The following KHDRBS3 variants were observed in gnomAD, a reference collection of about 807,000 sequenced individuals.
KHDRBS3 encodes KH domain-containing, RNA-binding, signal transduction-associated protein 3.
A neutral mutation model predicts 45.6 loss-of-function variants in KHDRBS3; 23 were observed. The ratio of observed to expected loss-of-function variants is 0.50; its 90% confidence interval spans 0.36 to 0.72. The LOEUF is 0.72. Among genes scored for constraint, KHDRBS3 ranks in the 30% least tolerant of loss-of-function variants. KHDRBS3 has a pLI of 0.00. For synonymous variants in KHDRBS3, 162 were observed against 156.5 expected (o/e 1.04, Z -0.26); for missense variants, 352 against 424.8 (o/e 0.83, Z 1.51).
At chr8:135,652,117 T>C (rs1364570119), downstream of KHDRBS3, among the ~76,000 whole-genome samples, 3 of 152,246 alleles carry the variant, frequency 2.0e-5, no homozygotes, top group East Asian at 1.9e-4. Flanking sequence ...TATATTGATA[T>C]TCAGTGTTTT....
intron 7 of KHDRBS3, among the ~76,000 whole-genome samples, chr8:135,623,488 G>A (rs1324929650): frequency 6.6e-6 from 1 of 151,906 alleles, no homozygotes; most frequent in African/African-American, 2.4e-5. Flanking sequence ...TTATGAAGTT[G>A]CAGAGTACTA....
At chr8:135,591,623 A>T (rs1451220378) in intron 6 of KHDRBS3, among the ~76,000 whole-genome samples, 1 of 152,204 alleles carries the variant, frequency 6.6e-6, no homozygotes, top group African/African-American at 2.4e-5. Context: ...TCTCTTTGTG[A>T]TAAGAATAAA....
At chr8:135,598,501 G>C (rs937219230) in intron 6 of KHDRBS3, among the ~76,000 whole-genome samples, 1 of 152,146 alleles carries the variant, frequency 6.6e-6, no homozygotes, top group South Asian at 2.1e-4. Flanking sequence ...ACTGATGCAA[G>C]GAAGTTGTAT....
At chr8:135,611,369 G>C (rs867634103) in intron 7 of KHDRBS3, among the ~76,000 whole-genome samples, 9 of 152,084 alleles carry the variant, frequency 5.9e-5, no homozygotes, top group African/African-American at 2.2e-4. Flanking sequence ...AGGTCTGACT[G>C]TAACTATATA....
At position 135,457,891 on chromosome 8, in the gene KHDRBS3, C is replaced by T. The variant is rs988235722; in HGVS notation, c.25C>T (p.Leu9=). Residue 9 remains leucine (L), a synonymous_variant, in exon 1 of 9, where the codon CTG becomes TTG. Transcript: ENST00000355849. This position sits in a 1 kb window ranked among gnomAD's most constrained non-coding sequence, Gnocchi z 4.4. MEEKYLPE[L]MAEKDSLDPS... Reference sequence around the variant, plus strand: ...CATGGAGGAGAAGTACCTGCCCGAGCTGATGGCGGAGAAGGACTCCCTGGA... The same window carrying T: ...CATGGAGGAGAAGTACCTGCCCGAGTTGATGGCGGAGAAGGACTCCCTGGA... 1.9e-6 allele frequency: 3 copies of T among 1,599,158 alleles called. No homozygotes were observed. Among genetic ancestry groups the T allele is most frequent in the East Asian group, 4.6e-5 (2 of 43,572 alleles).
chr8:135,544,413 A>G (rs1826189375), intron 3 of KHDRBS3, among the ~76,000 whole-genome samples: 1 of 152,186 alleles, frequency 6.6e-6, no homozygotes, highest in African/African-American at 2.4e-5. Context: ...GGGATCCTAA[A>G]TATTATCAGC....
At chr8:135,635,885 A>G (rs1184993560) in intron 7 of KHDRBS3, among the ~76,000 whole-genome samples, 2 of 152,236 alleles carry the variant, frequency 1.3e-5, no homozygotes, top group Non-Finnish European at 1.5e-5. Flanking sequence ...TCATTATGCA[A>G]TATCAAAAAA....
chr8:135,542,083 C>T (rs1451457048), intron 2 of KHDRBS3: 3 of 152,202 alleles, frequency 2.0e-5, no homozygotes, highest in Non-Finnish European at 4.4e-5. Context: ...GAACCACAGA[C>T]ATCTAAGTTT....
intron 5 of KHDRBS3, among the ~76,000 whole-genome samples, chr8:135,570,802 T>G (rs556320827): frequency 6.6e-6 from 1 of 152,166 alleles, no homozygotes; most frequent in East Asian, 1.9e-4. Flanking sequence ...AATGAGTTTC[T>G]GTGCTTTTTC....
At chr8:135,555,768 C>T (rs1310006857) in intron 4 of KHDRBS3, among the ~76,000 whole-genome samples, 1 of 152,192 alleles carries the variant, frequency 6.6e-6, no homozygotes, top group East Asian at 1.9e-4. Flanking sequence ...ACTTTAAGTT[C>T]TGGGTTACAT....
chr8:135,519,293 A>G (rs933948763), intron 1 of KHDRBS3, among the ~76,000 whole-genome samples: 1 of 152,166 alleles, frequency 6.6e-6, no homozygotes, highest in African/African-American at 2.4e-5. Context: ...CAGTGATTCA[A>G]TTCTGAAGCT....
rs370743782 is a variant in KHDRBS3 at position 135,502,574 on chromosome 8, C to G, written c.89-18663C>G. Among the ~76,000 whole-genome samples, 62 of 152,008 alleles carry G rather than the reference C, an allele frequency of 4.1e-4. No individual in the cohort carries two copies. In the East Asian group the frequency reaches 0.011, roughly 26 times the overall value. On this transcript the variant is annotated intron_variant, in intron 1 of 8. Transcript: ENST00000355849. ...ATTTATACTTTACATTGTGAGTATCCACATGTAGTCTTTATTAAATCTTAT... is the reference window on the plus strand; with the variant it reads ...ATTTATACTTTACATTGTGAGTATCGACATGTAGTCTTTATTAAATCTTAT...
rs535834377 is a variant in KHDRBS3, at chr8:135,616,273, C to G, written c.890+9236C>G. ...CATATCAGTTAGTCCTCATACTGTT[C>G]TCTTTGAGATCAAGCTTACATTCTT... On this transcript the variant is annotated intron_variant, in intron 7 of 8. Transcript: ENST00000355849. Among the ~76,000 whole-genome samples the G allele has an allele frequency of 2.0e-5, 3 of 152,294 alleles. No individual in the cohort carries two copies. The South Asian group carries it at 6.2e-4, about 32-fold the overall frequency.
Position 135,542,776 on chromosome 8 carries a change from A to G in KHDRBS3, c.324+6A>G. The G allele has an allele frequency of 1.3e-6, 2 of 1,569,176 alleles. No individual in the cohort carries two copies. The highest frequency in any genetic ancestry group is 1.8e-6 in the Non-Finnish European group (2 of 1,140,472). ...CCATGAGAGACAAGGCCAAGGTAAT[A>G]TTAATTATAGAAAACGGCTAAGTTG... On this transcript the variant is annotated splice_donor_region_variant and intron_variant, in intron 3 of 8. Coordinates refer to ENST00000355849, the MANE Select transcript of KHDRBS3 (RefSeq NM_006558.3).
At chr8:135,626,585 C>T (rs6982463) in intron 7 of KHDRBS3, among the ~76,000 whole-genome samples, 12,561 of 152,012 alleles carry the variant, frequency 0.083, 1,035 homozygotes, top group East Asian at 0.34. Flanking sequence ...GGGCGGATCA[C>T]GAGGTCAGGA....
intron 4 of KHDRBS3, among the ~76,000 whole-genome samples, chr8:135,556,194 A>C (rs1826878121): frequency 6.6e-6 from 1 of 152,208 alleles, no homozygotes; most frequent in Admixed American, 6.5e-5. Context: ...TGCAGTAAAC[A>C]TACATGTGCA....
At chr8:135,574,479 A>G (rs1827862229) in intron 5 of KHDRBS3, among the ~76,000 whole-genome samples, 2 of 152,224 alleles carry the variant, frequency 1.3e-5, no homozygotes, top group African/African-American at 4.8e-5. Context: ...AACAATGTCA[A>G]TGATCGTGGA....
intron 7 of KHDRBS3, among the ~76,000 whole-genome samples, chr8:135,612,683 C>T (rs1323718202): frequency 6.6e-6 from 1 of 151,748 alleles, no homozygotes; most frequent in Non-Finnish European, 1.5e-5. Context: ...TTCACTTGGC[C>T]TCCTTTTAGA....
intron 7 of KHDRBS3, among the ~76,000 whole-genome samples, chr8:135,609,144 C>T (rs1829598994): frequency 6.6e-6 from 1 of 152,086 alleles, no homozygotes; most frequent in Non-Finnish European, 1.5e-5. Context: ...AACCTTAGCC[C>T]TCTGTAACTT....
Sources: allele counts gnomAD v4.1 joint callset (sites outside exome capture counted in the v4.1 genomes callset), GRCh38; gene constraint gnomAD v4.1.1; non-coding constraint Gnocchi (gnomAD v3.1); transcripts MANE v1.5; gene names NCBI Gene and HGNC (gene_info 2026-07-23, HGNC 2026-07-21).